SH3D19: variants seen among roughly 807,000 people sequenced by gnomAD.
The protein encoded by SH3D19 is SH3 domain containing 19, also known as SH3 domain-containing protein 19.
A neutral mutation model predicts 112.1 loss-of-function variants in SH3D19; 58 were observed. The ratio of observed to expected loss-of-function variants is 0.52; its 90% CI spans 0.42 to 0.64. The LOEUF is 0.64. SH3D19 is among the 30% of genes least tolerant of loss of function. The pLI is 0.00. For synonymous variants in SH3D19, 391 were observed against 448.5 expected, an observed-to-expected ratio of 0.87 and a Z score of 1.62; for missense variants, 1,090 against 1,263.4, an observed-to-expected ratio of 0.86 and a Z score of 2.08.
chr4:151,323,656 AG>A (rs753364971), intron 1 of SH3D19, among the ~76,000 whole-genome samples: 1 of 152,254 alleles, frequency 6.6e-6, no homozygotes, highest in Non-Finnish European at 1.5e-5. Flanking sequence ...GAATGCAAAA[AG>A]TACACAATGT....
chr4:151,275,769 G>T (rs74819427), intron 1 of SH3D19, among the ~76,000 whole-genome samples: 2 of 151,968 alleles, frequency 1.3e-5, no homozygotes, highest in South Asian at 2.1e-4. Flanking sequence ...GATCCTCCCC[G>T]TTCAGCCTTT....
intron 7 of SH3D19, among the ~76,000 whole-genome samples, chr4:151,167,990 A>C (rs751547118): frequency 1.3e-5 from 2 of 152,224 alleles, no homozygotes; most frequent in African/African-American, 2.4e-5. Flanking sequence ...CCAAGTTTGC[A>C]TTTTCAACAT....
intron 19 of SH3D19, among the ~76,000 whole-genome samples, chr4:151,122,627 T>C (rs572721865): frequency 6.6e-6 from 1 of 152,076 alleles, no homozygotes; most frequent in South Asian, 2.1e-4. Context: ...GCAAATAAAC[T>C]GGCAGAAGAG....
chr4:151,180,656 T>C (rs533229734), intron 3 of SH3D19, among the ~76,000 whole-genome samples: 1 of 152,008 alleles, frequency 6.6e-6, no homozygotes, highest in African/African-American at 2.4e-5. Flanking sequence ...TCCACCCGCC[T>C]TGGCCTCCCA....
At chr4:151,184,858 T>C (rs1561300886) in intron 3 of SH3D19, among the ~76,000 whole-genome samples, 1 of 152,094 alleles carries the variant, frequency 6.6e-6, no homozygotes, top group Non-Finnish European at 1.5e-5. Context: ...AAGTGTGGCT[T>C]CCAACTTCAA....
chr4:151,128,107 T>C (rs528184774), intron 18 of SH3D19, 63 bp downstream of exon 18: 3 of 1,361,570 alleles, frequency 2.2e-6, no homozygotes, highest in African/African-American at 2.9e-5. Context: ...AAGGAATGTA[T>C]ATAGTTTTGA....
At chr4:151,273,945 G>A (rs960292829) in intron 1 of SH3D19, among the ~76,000 whole-genome samples, 14 of 152,048 alleles carry the variant, frequency 9.2e-5, no homozygotes, top group African/African-American at 2.4e-4. Context: ...GAAAACTGCC[G>A]GTTGTAATGT....
At chr4:151,230,936 A>G (rs1769559441) in intron 1 of SH3D19, among the ~76,000 whole-genome samples, 1 of 152,166 alleles carries the variant, frequency 6.6e-6, no homozygotes, top group Non-Finnish European at 1.5e-5. Flanking sequence ...CAGATGCATT[A>G]CCAATGAAGC....
At chr4:151,176,163 T>A (rs1243789273) in intron 6 of SH3D19, among the ~76,000 whole-genome samples, 2 of 152,172 alleles carry the variant, frequency 1.3e-5, no homozygotes. Context: ...TAAGCCACAG[T>A]GCAACACTTT....
At chr4:151,246,895 C>G (rs1770984884) in intron 1 of SH3D19, among the ~76,000 whole-genome samples, 1 of 152,058 alleles carries the variant, frequency 6.6e-6, no homozygotes, top group South Asian at 2.1e-4. Flanking sequence ...CCTTTTCGGC[C>G]CCATAGAACC....
intron 8 of SH3D19, among the ~76,000 whole-genome samples, chr4:151,163,390 CTGTAAAAGT>C (rs1443810036): frequency 6.6e-6 from 1 of 152,120 alleles, no homozygotes; most frequent in Non-Finnish European, 1.5e-5. Context: ...TTACTAATTT[CTGTAAAAGT>C]TGTATTACTT....
At chr4:151,201,431 T>C (rs933765382) in intron 2 of SH3D19, among the ~76,000 whole-genome samples, 4 of 152,232 alleles carry the variant, frequency 2.6e-5, no homozygotes, top group Admixed American at 2.0e-4. Flanking sequence ...AATTTAGCTA[T>C]TATTTCCCGA....
intron 1 of SH3D19, among the ~76,000 whole-genome samples, chr4:151,260,098 T>C (rs556919157): frequency 6.6e-6 from 1 of 152,380 alleles, no homozygotes; most frequent in Non-Finnish European, 1.5e-5. Flanking sequence ...TTTATTTGTA[T>C]GCATTTATGG....
At chr4:151,224,937 AACTAGTAAGATTAT>A (rs1240788401) in intron 2 of SH3D19, among the ~76,000 whole-genome samples, 3 of 152,210 alleles carry the variant, frequency 2.0e-5, no homozygotes, top group Non-Finnish European at 4.4e-5. Context: ...TGCCTATCAA[AACTAGTAAGATTAT>A]ACACAAAAAA....
intron 2 of SH3D19, among the ~76,000 whole-genome samples, chr4:151,198,730 A>G (rs1185217588): frequency 2.6e-5 from 4 of 152,130 alleles, no homozygotes; most frequent in African/African-American, 9.7e-5. Flanking sequence ...AAAAATGCAT[A>G]AATTATTTAA....
intron 1 of SH3D19, among the ~76,000 whole-genome samples, chr4:151,310,861 C>A (rs1247781018): frequency 6.6e-6 from 1 of 151,656 alleles, no homozygotes; most frequent in Non-Finnish European, 1.5e-5. Flanking sequence ...GTATGATTCA[C>A]CATGCCTGGC....
chr4:151,188,459 T>G (rs1762124779), intron 2 of SH3D19, among the ~76,000 whole-genome samples: 1 of 152,202 alleles, frequency 6.6e-6, no homozygotes, highest in Admixed American at 6.5e-5. Flanking sequence ...ATATTTGCAT[T>G]ATATACTTAC....
intron 1 of SH3D19, among the ~76,000 whole-genome samples, chr4:151,293,405 G>A (rs1042674196): frequency 6.6e-6 from 1 of 151,636 alleles, no homozygotes; most frequent in South Asian, 2.1e-4. Flanking sequence ...CCTGGGAGAC[G>A]GAGCTTGCTG....
chr4:151,296,779 T>A (rs981745248), intron 1 of SH3D19, among the ~76,000 whole-genome samples: 1 of 152,236 alleles, frequency 6.6e-6, no homozygotes, highest in Non-Finnish European at 1.5e-5. Flanking sequence ...CTAAAAATCC[T>A]ATGAGCAATT....
Sources: allele counts gnomAD v4.1 joint callset (sites outside exome capture counted in the v4.1 genomes callset), GRCh38; gene constraint gnomAD v4.1.1; transcripts MANE v1.5; gene names NCBI Gene and HGNC (gene_info 2026-07-23, HGNC 2026-07-21).